ANO3: variants seen among roughly 807,000 people sequenced by gnomAD.
The protein encoded by ANO3 is anoctamin 3, also known as anoctamin-3.
A neutral mutation model predicts 144.8 loss-of-function variants in ANO3; 99 were observed. That is an observed-to-expected ratio of 0.68 (90% CI 0.58 to 0.81). The LOEUF (loss-of-function observed/expected upper bound fraction) is 0.81, where lower values mean the gene tolerates loss of function less well. Among genes scored for constraint, ANO3 ranks in the 30% least tolerant of loss-of-function variants. The probability of loss-of-function intolerance (pLI) is 0.00; values close to 1 mark genes in which losing one functional copy is unlikely to be tolerated. For missense variants in ANO3, 905 were observed against 1,202.2 expected (o/e 0.75, Z 3.66); for synonymous variants, 414 against 392.6 (o/e 1.05, Z -0.64).
intron 1 of ANO3, among the ~76,000 whole-genome samples, chr11:26,239,604 C>T (rs1480854220): frequency 2.0e-5 from 3 of 152,134 alleles, no homozygotes; most frequent in Non-Finnish European, 4.4e-5. Context: ...GTCACATTCC[C>T]TTATATCACC....
chr11:26,317,663 G>A (rs1219706305), intron 1 of ANO3, among the ~76,000 whole-genome samples: 1 of 152,106 alleles, frequency 6.6e-6, no homozygotes, highest in Non-Finnish European at 1.5e-5. Context: ...GTTGGTAGGG[G>A]TGTAAATTAG....
chr11:26,369,353 A>T (rs758842200), intron 1 of ANO3, among the ~76,000 whole-genome samples: 1 of 152,118 alleles, frequency 6.6e-6, no homozygotes, highest in East Asian at 1.9e-4. Context: ...GATATTTTCT[A>T]ATTTTCAGTG....
chr11:26,467,079 T>G lies in ANO3; in HGVS notation c.432+3931T>G, dbSNP rs564925702. 7.2e-5 allele frequency among the ~76,000 whole-genome samples: 11 copies of G among 152,082 alleles called. No homozygotes were observed. In the South Asian group the frequency reaches 2.3e-3, roughly 32 times the overall value. On this transcript the variant is annotated intron_variant, in intron 4 of 26. Transcript: ENST00000256737. ...TCCTTGTGAAAACATTAAATCAAGG[T>G]AAAATTCCAAGATTACTATTAATCA...
chr11:26,551,644 C>A (rs1470835240), intron 12 of ANO3, among the ~76,000 whole-genome samples: 1 of 151,834 alleles, frequency 6.6e-6, no homozygotes, highest in African/African-American at 2.4e-5. Context: ...ACTTCAATAC[C>A]TTTTTAGTAT....
At chr11:26,626,792 T>C (rs1262832900) in intron 18 of ANO3, among the ~76,000 whole-genome samples, 1 of 150,500 alleles carries the variant, frequency 6.6e-6, no homozygotes, top group Non-Finnish European at 1.5e-5. Context: ...GTTTTTTTTT[T>C]CTTTCTTCCT....
intron 1 of ANO3, among the ~76,000 whole-genome samples, chr11:26,441,130 T>C (rs1184505433): frequency 2.9e-5 from 4 of 136,236 alleles, no homozygotes; most frequent in African/African-American, 1.1e-4. Context: ...TTTTTTTTTT[T>C]TTTTTGAGAC....
At chr11:26,459,844 T>C (rs1467188312) in intron 3 of ANO3, among the ~76,000 whole-genome samples, 1 of 152,106 alleles carries the variant, frequency 6.6e-6, no homozygotes, top group East Asian at 1.9e-4. Flanking sequence ...TTAGCCTGTG[T>C]AACTAGAATA....
intron 1 of ANO3, among the ~76,000 whole-genome samples, chr11:26,333,571 T>C (rs969646408): frequency 2.6e-5 from 4 of 152,156 alleles, no homozygotes; most frequent in Non-Finnish European, 5.9e-5. Flanking sequence ...TGTGAGCCAC[T>C]GTACCCGGCC....
chr11:26,343,975 T>C lies in ANO3; in HGVS notation c.46+11654T>C, dbSNP rs148547078. Among the ~76,000 whole-genome samples, 238 of 152,334 alleles carry C rather than the reference T, an allele frequency of 1.6e-3. 2 individuals are homozygous for C. Among genetic ancestry groups the C allele is most frequent in the South Asian group, 3.5e-3 (17 of 4,832 alleles). On this transcript the variant is annotated intron_variant, in intron 1 of 26. Transcript: ENST00000256737. The stretch of plus-strand genomic sequence containing the variant: ...AGCTCAATTAAGTAAAATTCAAATT[T>C]AACACACTTTCCTTATTGTTCAGTT...
intron 1 of ANO3, among the ~76,000 whole-genome samples, chr11:26,195,584 T>A (rs766788264): frequency 3.3e-5 from 5 of 152,214 alleles, no homozygotes; most frequent in Non-Finnish European, 5.9e-5. Flanking sequence ...AAGTTGTAGA[T>A]GGGCATAGCT....
At chr11:26,395,341 G>T (rs1175510018) in intron 1 of ANO3, among the ~76,000 whole-genome samples, 1 of 152,108 alleles carries the variant, frequency 6.6e-6, no homozygotes, top group Non-Finnish European at 1.5e-5. Flanking sequence ...GATGGTGATA[G>T]CATTGAATCT....
intron 21 of ANO3, 152 bp downstream of exon 21, chr11:26,639,393 TA>T: frequency 1.6e-6 from 1 of 617,580 alleles, no homozygotes; most frequent in Non-Finnish European, 2.9e-6. Flanking sequence ...TGCCCATGTG[TA>T]AATTAAACCT....
chr11:26,555,762 T>A (rs1850066243), intron 13 of ANO3, among the ~76,000 whole-genome samples: 2 of 152,166 alleles, frequency 1.3e-5, no homozygotes, highest in South Asian at 4.1e-4. Context: ...CAACAGTCTA[T>A]TTTACTATAT....
At chr11:26,237,756 T>C (rs943202422) in intron 1 of ANO3, among the ~76,000 whole-genome samples, 1 of 152,120 alleles carries the variant, frequency 6.6e-6, no homozygotes, top group Non-Finnish European at 1.5e-5. Flanking sequence ...AGAAAAGTTA[T>C]ATATGCCAAA....
chr11:26,243,590 C>T (rs1277367467), intron 1 of ANO3, among the ~76,000 whole-genome samples: 1 of 152,118 alleles, frequency 6.6e-6, no homozygotes, highest in Non-Finnish European at 1.5e-5. Context: ...GTTGAAAGTT[C>T]CCCATTATGA....
chr11:26,193,720 G>A (rs1463970784), intron 1 of ANO3, among the ~76,000 whole-genome samples: 1 of 152,050 alleles, frequency 6.6e-6, no homozygotes, highest in Non-Finnish European at 1.5e-5. Context: ...AAAAGTCTAT[G>A]TCATTTATTT....
At chr11:26,540,193 C>A (rs181332517) in intron 10 of ANO3, among the ~76,000 whole-genome samples, 37 of 152,124 alleles carry the variant, frequency 2.4e-4, no homozygotes, top group African/African-American at 6.0e-4. Context: ...TTTTGAATAT[C>A]TTATCTGAAA....
intron 1 of ANO3, among the ~76,000 whole-genome samples, chr11:26,438,956 A>G (rs1858410806): frequency 6.6e-6 from 1 of 152,212 alleles, no homozygotes; most frequent in South Asian, 2.1e-4. Context: ...CTACAATGCT[A>G]AAGACGTTGT....
At chr11:26,562,163 G>T (rs1451322117) in intron 14 of ANO3, among the ~76,000 whole-genome samples, 1 of 151,800 alleles carries the variant, frequency 6.6e-6, no homozygotes, top group East Asian at 1.9e-4. Flanking sequence ...GTTAAAAAAT[G>T]GTTGAAAACC....
Sources: gnomAD v4.1 joint callset for allele counts (sites outside exome capture counted in the v4.1 genomes callset) on GRCh38, gnomAD v4.1.1 for gene constraint, MANE v1.5 for transcripts, NCBI Gene and HGNC (gene_info 2026-07-23, HGNC 2026-07-21) for gene names.